ZNF626: variants seen among roughly 807,000 people sequenced by gnomAD.
The protein encoded by ZNF626 is CTC-513N18.7.
Under a neutral mutation model 11.7 loss-of-function variants are expected in ZNF626, and 4 were observed. The observed-to-expected ratio is 0.34, with a 90% CI of 0.17 to 0.78. The LOEUF is 0.78. ZNF626 is among the 30% of genes least tolerant of loss of function. ZNF626 has a pLI of 0.57. For synonymous variants in ZNF626, 179 were observed against 198.6 expected, an observed-to-expected ratio of 0.90 and a Z score of 0.83; for missense variants, 588 against 587.1, an observed-to-expected ratio of 1.00 and a Z score of -0.01.
At chr19:20,644,510 A>G (rs1289241015) in intron 3 of ZNF626, among the ~76,000 whole-genome samples, 5 of 152,112 alleles carry the variant, frequency 3.3e-5, no homozygotes, top group African/African-American at 1.2e-4. Flanking sequence ...TCATCACCCT[A>G]AGGGCCCAAT....
At chr19:20,628,416 T>G (rs1969865118) in intron 3 of ZNF626, among the ~76,000 whole-genome samples, 1 of 152,178 alleles carries the variant, frequency 6.6e-6, no homozygotes. Context: ...AGTGTTCCTA[T>G]TTCTCCACAT....
chr19:20,635,433 C>T (rs1969955699), intron 3 of ZNF626, among the ~76,000 whole-genome samples: 1 of 152,198 alleles, frequency 6.6e-6, no homozygotes, highest in Non-Finnish European at 1.5e-5. Flanking sequence ...AGTGATTCCT[C>T]TGCCTCAGCC....
At chr19:20,647,021 C>T (rs879965343) in intron 1 of ZNF626, among the ~76,000 whole-genome samples, 18 of 141,670 alleles carry the variant, frequency 1.3e-4, no homozygotes, top group African/African-American at 3.3e-4. Context: ...TAATTTTTTT[C>T]GTAGTTTTAG....
At chr19:20,658,981 A>C (rs1970234886) in intron 1 of ZNF626, among the ~76,000 whole-genome samples, 1 of 152,226 alleles carries the variant, frequency 6.6e-6, no homozygotes, top group Non-Finnish European at 1.5e-5. Context: ...GCAGCCCAGG[A>C]AAAGCCAAAT....
rs1259626566 is a variant in ZNF626, at chr19:20,623,957, T to C, written c.*333A>G. 9 of 351,370 alleles carry C rather than the reference T, an allele frequency of 2.6e-5. No individual in the cohort carries two copies. Among genetic ancestry groups the C allele is most frequent in the Non-Finnish European group, 4.2e-5 (8 of 189,604 alleles). 21.8% of individuals were successfully genotyped at this position (351,370 alleles called of 1,614,324 possible). On this transcript the variant is annotated 3_prime_UTR_variant, in exon 4 of 4. Coordinates refer to ENST00000601440, the MANE Select transcript of ZNF626 (RefSeq NM_001076675.3). ...ATATTTGTAGAGTTTATATTTCATATCAATTCTTAGTTAGAAATTGAGGGC... is the reference window on the plus strand; with the variant it reads ...ATATTTGTAGAGTTTATATTTCATACCAATTCTTAGTTAGAAATTGAGGGC...
intron 3 of ZNF626, among the ~76,000 whole-genome samples, chr19:20,644,288 C>T (rs113197819): frequency 1.3e-4 from 20 of 152,350 alleles, no homozygotes; most frequent in Admixed American, 6.5e-4. Flanking sequence ...TGATTTAAGG[C>T]CCAGCATCTG....
At position 20,624,981 on chromosome 19, in the gene ZNF626, G is replaced by T. The variant is rs532078333; in HGVS notation, c.896C>A (p.Thr299Asn). 3.6e-5 allele frequency: 57 copies of T among 1,600,044 alleles called. No homozygotes were observed. The highest frequency in any genetic ancestry group is 2.0e-4 in the Admixed American group (12 of 59,190). ...ECGKAFNRSS[T>N]LTTHKIIHTG... ...ATGAATTATCTTATGTGTAGTAAGG[G>T]TTGAGGACCGGTTGAAGGCTTTGCC... Residue 299 changes from threonine (T) to asparagine (N), a missense_variant, in exon 4 of 4, where the codon ACC becomes AAC. Physicochemically the swap from Thr to Asn is moderately conservative, Grantham distance 65. Transcript: ENST00000601440.
rs1284457469 is a variant in ZNF626, at chr19:20,625,598, A to C, written c.279T>G (p.Asp93Glu). ...QDLWPEQSMK[D>E]SFQKVVLRRY... ...TTCTCAGTACCACTTTTTGGAAAGA[A>C]TCTTTCATGCTCTGCTCTGGCCAAA... The change falls in exon 4 of 4, where the codon GAT becomes GAG. Residue 93 changes from aspartate to glutamate, a missense_variant. Physicochemically the swap from Asp to Glu is conservative, Grantham distance 45. This residue lies in a region of ZNF626 where 524 missense variants were observed against 470.1 expected (regional missense o/e 1.11). Coordinates refer to ENST00000601440, the MANE Select transcript of ZNF626 (RefSeq NM_001076675.3). 6.3e-7 allele frequency: 1 copy of C among 1,598,462 alleles called. No homozygotes were observed. The highest frequency in any genetic ancestry group is 8.5e-7 in the Non-Finnish European group (1 of 1,173,398).
At chr19:20,655,466 A>G (rs1970194592) in intron 1 of ZNF626, among the ~76,000 whole-genome samples, 1 of 152,244 alleles carries the variant, frequency 6.6e-6, no homozygotes, top group East Asian at 1.9e-4. Flanking sequence ...AATCAAAAAA[A>G]TAAACTTTTC....
rs1969740466 is a variant in ZNF626, at chr19:20,620,087, T to A, written c.*4203A>T. The A allele has an allele frequency of 6.6e-6, 1 of 152,198 alleles. No homozygotes were observed. The highest frequency in any genetic ancestry group is 2.1e-4 in the South Asian group (1 of 4,832). 9.4% of individuals were successfully genotyped at this position (152,198 alleles called of 1,614,324 possible). Reference sequence around the variant, plus strand: ...ATCCAATTATTCAATTTTGGTTAAATTTTTATTAAAATAAGCGTTAAAAAT... The same window carrying A: ...ATCCAATTATTCAATTTTGGTTAAAATTTTATTAAAATAAGCGTTAAAAAT... On this transcript the variant is annotated 3_prime_UTR_variant, in exon 4 of 4. Transcript: ENST00000601440.
At chr19:20,661,339 G>A in intron 1 of ZNF626, 105 bp downstream of exon 1, 8 of 1,447,260 alleles carry the variant, frequency 5.5e-6, no homozygotes, top group Non-Finnish European at 7.8e-6. Context: ...TGGGGGAGCA[G>A]ACTGTGGAGC....
chr19:20,639,608 G>A lies in ZNF626; in HGVS notation c.226+6076C>T, dbSNP rs138962901. Among the ~76,000 whole-genome samples the A allele has an allele frequency of 1.4e-4, 21 of 152,232 alleles. No individual in the cohort carries two copies. In the East Asian group the frequency reaches 2.1e-3, roughly 15 times the overall value. On this transcript the variant is annotated intron_variant, in intron 3 of 3. Transcript: ENST00000601440. ...CAACCATTAAACAGACATCTAGTGC[G>A]TATCTGTAGTCCTAGCTACTCAGAA...
At chr19:20,654,596 C>G (rs918953158) in intron 1 of ZNF626, among the ~76,000 whole-genome samples, 1 of 151,708 alleles carries the variant, frequency 6.6e-6, no homozygotes, top group African/African-American at 2.4e-5. Context: ...GTAGTCCCAG[C>G]TACTCGGGAG....
At chr19:20,661,108 T>C (rs1970262328) in intron 1 of ZNF626, among the ~76,000 whole-genome samples, 1 of 152,226 alleles carries the variant, frequency 6.6e-6, no homozygotes, top group Non-Finnish European at 1.5e-5. Context: ...TTCCCATTCA[T>C]GAACCCGCAC....
intron 1 of ZNF626, among the ~76,000 whole-genome samples, chr19:20,656,607 T>C (rs1356359633): frequency 1.3e-5 from 2 of 150,282 alleles, no homozygotes; most frequent in Non-Finnish European, 3.0e-5. Context: ...AAGGCAAACA[T>C]CTCATTAAAA....
intron 3 of ZNF626, among the ~76,000 whole-genome samples, chr19:20,628,051 T>C (rs1969860756): frequency 1.3e-5 from 2 of 152,300 alleles, no homozygotes; most frequent in African/African-American, 4.8e-5. Context: ...GTCCTTGCGA[T>C]AGTTTGCTGA....
intron 3 of ZNF626, among the ~76,000 whole-genome samples, chr19:20,642,336 A>G (rs1317424548): frequency 6.6e-6 from 1 of 152,218 alleles, no homozygotes; most frequent in East Asian, 1.9e-4. Flanking sequence ...GCAGTGGCTC[A>G]TGACTATAAT....
In ZNF626 at chr19:20,626,918, G is replaced by C. The variant is rs1316687412; in HGVS notation, c.227-1268C>G. On this transcript the variant is annotated intron_variant, in intron 3 of 3. Transcript: ENST00000601440. ...TAACCCCAGCTACTTGGGAGACAGA[G>C]GCCGGAGAATTGCTTGAACTCGGGA... Among the ~76,000 whole-genome samples, 3 of 152,102 alleles carry C rather than the reference G, an allele frequency of 2.0e-5. No individual in the cohort carries two copies. The East Asian group carries it at 5.8e-4, about 29-fold the overall frequency.
At chr19:20,661,274 C>G (rs1345761611) in intron 1 of ZNF626, among the ~76,000 whole-genome samples, 170 bp downstream of exon 1, 2 of 152,170 alleles carry the variant, frequency 1.3e-5, no homozygotes, top group African/African-American at 2.4e-5. Flanking sequence ...CGGCTGTCAG[C>G]GCAGCTGCCA....
Sources: gnomAD v4.1 joint callset for allele counts (sites outside exome capture counted in the v4.1 genomes callset) on GRCh38, gnomAD v4.1.1 for gene constraint, gnomAD v4.1.1 regional missense constraint, MANE v1.5 for transcripts, NCBI Gene and HGNC (gene_info 2026-07-23, HGNC 2026-07-21) for gene names.